SMIM22: variants seen among roughly 807,000 people sequenced by gnomAD.
SMIM22 encodes small integral membrane protein 22.
Under a neutral mutation model 8.4 loss-of-function variants are expected in SMIM22, and 16 were observed. The ratio of observed to expected loss-of-function variants is 1.90; its 90% confidence interval spans 1.29 to 2.89. SMIM22 has a LOEUF of 2.89. Ranked by LOEUF, SMIM22 falls within the 30% of genes most tolerant of loss-of-function variation. SMIM22 has a pLI of 0.00. For synonymous variants in SMIM22, 67 were observed against 47.6 expected, an observed-to-expected ratio of 1.41 and a Z score of -1.68; for missense variants, 159 against 107.5, an observed-to-expected ratio of 1.48 and a Z score of -2.12.
chr16:4,795,616 G>C (rs1426800921), intron 1 of SMIM22, 99 bp from the exon 2 acceptor site: 8 of 1,408,448 alleles, frequency 5.7e-6, no homozygotes, highest in Non-Finnish European at 7.5e-6. Flanking sequence ...GCTGGCGCTG[G>C]GCCAGGAGCG....
upstream of SMIM22, among the ~76,000 whole-genome samples, chr16:4,792,222 GCT>G (rs1248458479): frequency 6.7e-6 from 1 of 150,020 alleles, no homozygotes; most frequent in African/African-American, 2.5e-5. Context: ...ACAGAGTCTC[GCT>G]CTGTCGCCCA....
chr16:4,793,928 C>T (rs938736479), upstream of SMIM22, among the ~76,000 whole-genome samples: 10 of 151,946 alleles, frequency 6.6e-5, no homozygotes, highest in Admixed American at 5.9e-4. Flanking sequence ...AGGAGTATGC[C>T]ACCGCACCCA....
rs866450893 is a variant in SMIM22 at position 4,796,483 on chromosome 16, C to T, written c.*252C>T. 8.1e-6 allele frequency: 4 copies of T among 493,368 alleles called. No individual in the cohort carries two copies. The highest frequency in any genetic ancestry group is 3.9e-5 in the African/African-American group (2 of 50,864). The allele number at this position is 493,368 out of a possible 1,614,324, so 30.6% of individuals were successfully genotyped here. On this transcript the variant is annotated 3_prime_UTR_variant, in exon 4 of 4. Coordinates refer to ENST00000586005, the MANE Select transcript of SMIM22 (RefSeq NM_001253794.2). Reference sequence around the variant, plus strand: ...CTATAATCCCAGCACTTTGGGAGGCCGAGGTGGGCGGATCACGAGGTCAGG... The same window carrying T: ...CTATAATCCCAGCACTTTGGGAGGCTGAGGTGGGCGGATCACGAGGTCAGG...
At chr16:4,794,389 G>A (rs1312027348), upstream of SMIM22, among the ~76,000 whole-genome samples, 1 of 150,908 alleles carries the variant, frequency 6.6e-6, no homozygotes, top group African/African-American at 2.4e-5. Flanking sequence ...TTACAGGCAT[G>A]AGCCACCACA....
Position 4,796,183 on chromosome 16 carries a change from C to G in SMIM22, c.226-7C>G. 6.5e-7 allele frequency: 1 copy of G among 1,536,040 alleles called. No homozygotes were observed. The highest frequency in any genetic ancestry group is 8.7e-7 in the Non-Finnish European group (1 of 1,146,882). Reference sequence around the variant, plus strand: ...ACCTGCTTGGTCCCGCTGTGCTTCTCGTGCAGGAAAGACCCAAGGGAGTGG... The same window carrying G: ...ACCTGCTTGGTCCCGCTGTGCTTCTGGTGCAGGAAAGACCCAAGGGAGTGG... On this transcript the variant is annotated splice_region_variant and splice_polypyrimidine_tract_variant and intron_variant, in intron 3 of 3. Transcript: ENST00000586005.
At chr16:4,791,153 A>C (rs922416032), upstream of SMIM22, among the ~76,000 whole-genome samples, 1 of 152,224 alleles carries the variant, frequency 6.6e-6, no homozygotes, top group Non-Finnish European at 1.5e-5. Flanking sequence ...CGATGGTCTA[A>C]TTCTGAAAAT....
upstream of SMIM22, among the ~76,000 whole-genome samples, chr16:4,790,879 G>A (rs780499859): frequency 3.3e-5 from 5 of 152,230 alleles, no homozygotes; most frequent in Admixed American, 6.5e-5. Flanking sequence ...TGGCAGGGAC[G>A]ATGGGGCACA....
At position 4,795,799 on chromosome 16, in the gene SMIM22, A is replaced by T. The variant is rs776292601; in HGVS notation, c.65A>T (p.His22Leu). ...VQEVLGRLKS[H>L]QFFQSTWDTV... The stretch of plus-strand genomic sequence containing the variant: ...GAAGTCCTGGGGAGACTGAAGAGCC[A>T]CCAGTTTTTCCAGTCCACATGGGAC... The change falls in exon 2 of 4, where the codon CAC becomes CTC. Residue 22 changes from histidine (H) to leucine (L), a missense_variant. Transcript: ENST00000586005. 3.6e-5 allele frequency: 56 copies of T among 1,535,868 alleles called. No individual in the cohort carries two copies. Among genetic ancestry groups the T allele is most frequent in the Non-Finnish European group, 4.4e-5 (51 of 1,146,820 alleles).
chr16:4,793,986 T>C (rs1194031993), upstream of SMIM22, among the ~76,000 whole-genome samples: 1 of 150,918 alleles, frequency 6.6e-6, no homozygotes, highest in Non-Finnish European at 1.5e-5. Flanking sequence ...CCCAGGCGGG[T>C]GTGCGGTGAC....
At chr16:4,793,988 T>G (rs1001979465), upstream of SMIM22, among the ~76,000 whole-genome samples, 1 of 152,116 alleles carries the variant, frequency 6.6e-6, no homozygotes, top group Non-Finnish European at 1.5e-5. Flanking sequence ...CAGGCGGGTG[T>G]GCGGTGACAT....
Position 4,795,757 on chromosome 16 carries a change from T to C in SMIM22, c.23T>C (p.Leu8Pro), listed in dbSNP as rs2141900015. The change falls in exon 2 of 4, where the codon CTG (leucine) becomes CCG (proline). Residue 8 changes from leucine to proline, a missense_variant. Physicochemically the swap from Leu to Pro is moderately conservative, Grantham distance 98 (BLOSUM62 -3). Coordinates refer to ENST00000586005, the MANE Select transcript of SMIM22 (RefSeq NM_001253794.2). MAVSTEELEATVQEVLGR... is the reference protein window; with the variant it reads MAVSTEEPEATVQEVLGR... ...AAGATGGCTGTGTCCACAGAGGAGC[T>C]GGAGGCCACGGTTCAGGAAGTCCTG... 1.3e-6 allele frequency: 2 copies of C among 1,535,914 alleles called. No individual in the cohort carries two copies. The highest frequency in any genetic ancestry group is 1.2e-5 in the South Asian group (1 of 84,062).
upstream of SMIM22, among the ~76,000 whole-genome samples, chr16:4,792,750 C>A (rs947162244): frequency 1.3e-5 from 2 of 148,476 alleles, no homozygotes; most frequent in African/African-American, 5.0e-5. Flanking sequence ...TGCAGTGAGC[C>A]GACATCGTGC....
Position 4,795,616 on chromosome 16 carries a change from G to GTC in SMIM22, c.-20-99_-20-98insTC. 1.3e-5 allele frequency: 19 copies of GTC among 1,408,476 alleles called. No individual in the cohort carries two copies. In the Admixed American group the frequency reaches 1.5e-4, roughly 11 times the overall value. The allele number at this position is 1,408,476 out of a possible 1,614,324, so 87.2% of individuals were successfully genotyped here. On this transcript the variant is annotated intron_variant, in intron 1 of 3. Transcript: ENST00000586005. The stretch of plus-strand genomic sequence containing the variant: ...GGAGGGGGTGGGGAAGCTGGCGCTG[G>GTC]GCCAGGAGCGGGCAGTGGCTGGGCT...
Position 4,795,746 on chromosome 16 carries a change from C to T in SMIM22, c.12C>T (p.Ser4=), listed in dbSNP as rs2082628909. Residue 4 remains serine (S), a synonymous_variant, in exon 2 of 4, where the codon TCC becomes TCT. Coordinates refer to ENST00000586005, the MANE Select transcript of SMIM22 (RefSeq NM_001253794.2). MAV[S]TEELEATVQE... ...CGGTGCACGCCAAGATGGCTGTGTC[C>T]ACAGAGGAGCTGGAGGCCACGGTTC... is the stretch of plus-strand genomic sequence containing the variant. The T allele has an allele frequency of 1.3e-6, 2 of 1,535,704 alleles. No individual in the cohort carries two copies. The highest frequency in any genetic ancestry group is 2.7e-5 in the African/African-American group (2 of 72,994).
chr16:4,794,309 G>A (rs1396221040), upstream of SMIM22, among the ~76,000 whole-genome samples: 3 of 151,928 alleles, frequency 2.0e-5, no homozygotes, highest in African/African-American at 4.8e-5. Context: ...GGGTTTTACC[G>A]TGTTACCCAG....
At chr16:4,789,411 T>C (rs1008941834) in intron 2 of SMIM22, among the ~76,000 whole-genome samples, 3 of 151,858 alleles carry the variant, frequency 2.0e-5, no homozygotes, top group African/African-American at 7.3e-5. Context: ...CTGTAAGCTC[T>C]GCCTCCCGGG....
intron 1 of SMIM22, 79 bp downstream of exon 1, chr16:4,795,528 G>A: frequency 2.9e-6 from 2 of 696,358 alleles, no homozygotes; most frequent in Non-Finnish European, 4.6e-6. Context: ...GGTTGTCAGG[G>A]TAAGGACCAC....
upstream of SMIM22, among the ~76,000 whole-genome samples, chr16:4,793,503 A>G (rs1438164828): frequency 6.6e-6 from 1 of 152,174 alleles, no homozygotes; most frequent in African/African-American, 2.4e-5. Context: ...TATGAGGAAT[A>G]AACCAGGTGA....
upstream of SMIM22, among the ~76,000 whole-genome samples, chr16:4,794,716 G>A (rs182787726): frequency 1.6e-3 from 241 of 152,210 alleles, no homozygotes; most frequent in African/African-American, 5.0e-3. Context: ...CACTGCGCCC[G>A]GCCCAATTTT....
Sources: gnomAD v4.1 joint callset for allele counts (sites outside exome capture counted in the v4.1 genomes callset) on GRCh38, gnomAD v4.1.1 for gene constraint, MANE v1.5 for transcripts, NCBI Gene and HGNC (gene_info 2026-07-23, HGNC 2026-07-21) for gene names.